ARL3: variants seen among roughly 807,000 people sequenced by gnomAD.
ARL3 encodes the protein ADP-ribosylation factor-like protein 3.
ARL3 carries 9 observed loss-of-function variants against 26.0 expected under a neutral mutation model. The observed-to-expected ratio is 0.35, with a 90% CI of 0.21 to 0.60. The LOEUF is 0.60. ARL3 is among the 20% of genes least tolerant of loss of function. The probability of loss-of-function intolerance (pLI) is 0.78; values close to 1 mark genes in which losing one functional copy is unlikely to be tolerated. For synonymous variants in ARL3, 71 were observed against 78.4 expected, an observed-to-expected ratio of 0.91 and a Z score of 0.50; for missense variants, 158 against 215.7, an observed-to-expected ratio of 0.73 and a Z score of 1.67.
chr10:102,706,265 C>T (rs1201761515), intron 1 of ARL3, among the ~76,000 whole-genome samples: 3 of 152,108 alleles, frequency 2.0e-5, no homozygotes, highest in Non-Finnish European at 4.4e-5. Flanking sequence ...TCCTGGCTAA[C>T]ACGGTGAAAC....
chr10:102,689,307 A>G lies in ARL3; in HGVS notation c.315+586T>C, dbSNP rs148119431. On this transcript the variant is annotated intron_variant, in intron 4 of 5. Transcript: ENST00000260746. ...GCCATTGCACTCCAGCCTGGGTGAC[A>G]AGAGTGAAACTCCGTTTTGGAGGGG... 2.6e-3 allele frequency among the ~76,000 whole-genome samples: 398 copies of G among 152,268 alleles called. 3 individuals carry two copies. The highest frequency in any genetic ancestry group is 9.2e-3 in the African/African-American group (381 of 41,550).
intron 3 of ARL3, among the ~76,000 whole-genome samples, chr10:102,696,289 G>A (rs914277428): frequency 1.6e-5 from 2 of 121,832 alleles, no homozygotes; most frequent in African/African-American, 3.1e-5. Flanking sequence ...TTTTTGAGAC[G>A]GAGTCTTGGT....
At chr10:102,677,012 G>A in intron 5 of ARL3, 71 bp from the exon 6 acceptor site, 4 of 1,548,152 alleles carry the variant, frequency 2.6e-6, no homozygotes, top group Non-Finnish European at 3.6e-6. Flanking sequence ...AGCCTGGAGG[G>A]GCGGGCAGTG....
rs35266514 is a variant in ARL3, at chr10:102,676,262, C to CT, written c.*631dup. 43,331 of 138,716 alleles carry CT rather than the reference C, an allele frequency of 0.31. 7,122 individuals are homozygous for CT. The highest frequency in any genetic ancestry group is 0.37 in the African/African-American group (13,725 of 36,742). 8.6% of individuals were successfully genotyped at this position (138,716 alleles called of 1,614,324 possible). On this transcript the variant is annotated 3_prime_UTR_variant, in exon 6 of 6. Transcript: ENST00000260746. ...TGTAGTGACTTGTCTGCAAGAAAGA[C>CT]TTTTTTTTTTTTTTCTGTCCAAAGA...
intron 3 of ARL3, among the ~76,000 whole-genome samples, chr10:102,690,257 C>A (rs542657113): frequency 6.6e-6 from 1 of 151,836 alleles, no homozygotes; most frequent in Non-Finnish European, 1.5e-5. Flanking sequence ...CTCTATTAAC[C>A]CTCATTACAA....
intron 3 of ARL3, among the ~76,000 whole-genome samples, chr10:102,690,275 A>G (rs1290849002): frequency 2.6e-5 from 4 of 151,256 alleles, no homozygotes; most frequent in Non-Finnish European, 4.4e-5. Context: ...CAACTCTACA[A>G]TATAGATTTC....
intron 4 of ARL3, among the ~76,000 whole-genome samples, chr10:102,688,043 C>A (rs767818294): frequency 1.8e-4 from 27 of 152,174 alleles, no homozygotes; most frequent in Non-Finnish European, 3.2e-4. Flanking sequence ...ACATGCTTCA[C>A]ATTTCATCAA....
chr10:102,677,798 C>T (rs553450967), intron 5 of ARL3, among the ~76,000 whole-genome samples: 2 of 152,238 alleles, frequency 1.3e-5, no homozygotes, highest in Admixed American at 6.5e-5. Flanking sequence ...TGAACAAAAT[C>T]CAAGGCAGCT....
Position 102,694,740 on chromosome 10 carries a change from C to T in ARL3, c.264+4633G>A, listed in dbSNP as rs187675038. ...ATGCTGTCTTCTTTTTTTTTTGAGACGGAGTTTCACACTTGTTGCCCAGGC... is the reference window on the plus strand; with the variant it reads ...ATGCTGTCTTCTTTTTTTTTTGAGATGGAGTTTCACACTTGTTGCCCAGGC... On this transcript the variant is annotated intron_variant, in intron 3 of 5. Transcript: ENST00000260746. Among the ~76,000 whole-genome samples, 108 of 151,468 alleles carry T rather than the reference C, an allele frequency of 7.1e-4. 1 individual carries two copies. Among genetic ancestry groups the T allele is most frequent in the Admixed American group, 6.8e-3 (103 of 15,226 alleles).
intron 3 of ARL3, among the ~76,000 whole-genome samples, chr10:102,695,156 A>T (rs1028819539): frequency 6.6e-6 from 1 of 152,240 alleles, no homozygotes; most frequent in African/African-American, 2.4e-5. Flanking sequence ...CAGTTTGTCA[A>T]TATCCCCAAA....
intron 3 of ARL3, among the ~76,000 whole-genome samples, chr10:102,694,380 G>C (rs1439861544): frequency 6.6e-6 from 1 of 152,168 alleles, no homozygotes; most frequent in Non-Finnish European, 1.5e-5. Flanking sequence ...CCAAACTCAA[G>C]GTCACCTAGA....
At chr10:102,680,565 C>T (rs921594968) in intron 5 of ARL3, among the ~76,000 whole-genome samples, 1 of 152,312 alleles carries the variant, frequency 6.6e-6, no homozygotes, top group East Asian at 1.9e-4. Flanking sequence ...GAAACTCACT[C>T]CTCCCAAATC....
At chr10:102,685,390 G>A (rs1432027552) in intron 5 of ARL3, among the ~76,000 whole-genome samples, 2 of 152,144 alleles carry the variant, frequency 1.3e-5, no homozygotes, top group Non-Finnish European at 2.9e-5. Flanking sequence ...ACCAACCCTA[G>A]GGGTAGGGAA....
chr10:102,710,177 T>C (rs2064330576), intron 1 of ARL3, among the ~76,000 whole-genome samples: 1 of 152,206 alleles, frequency 6.6e-6, no homozygotes, highest in Non-Finnish European at 1.5e-5. Context: ...TACAGAGAAA[T>C]GCAAAGTTCA....
intron 1 of ARL3, among the ~76,000 whole-genome samples, chr10:102,708,558 T>A (rs561849857): frequency 6.0e-4 from 91 of 152,156 alleles, no homozygotes; most frequent in African/African-American, 1.2e-3. Flanking sequence ...TTTCCTATTT[T>A]AAAAAAAATT....
intron 1 of ARL3, among the ~76,000 whole-genome samples, chr10:102,708,800 G>A (rs1276436584): frequency 1.3e-5 from 2 of 150,896 alleles, no homozygotes; most frequent in East Asian, 3.9e-4. Context: ...AGGTTGCAGT[G>A]AGCCAAGATC....
intron 3 of ARL3, among the ~76,000 whole-genome samples, chr10:102,693,447 T>C (rs2064230519): frequency 6.6e-6 from 1 of 152,188 alleles, no homozygotes; most frequent in African/African-American, 2.4e-5. Context: ...CATAATGACA[T>C]ATAATACTGA....
At chr10:102,697,473 G>A (rs1474892643) in intron 3 of ARL3, among the ~76,000 whole-genome samples, 2 of 152,146 alleles carry the variant, frequency 1.3e-5, no homozygotes, top group Admixed American at 1.3e-4. Context: ...CGCTGCGCCC[G>A]GCAGCTCTAT....
chr10:102,685,913 G>A lies in ARL3; in HGVS notation c.404C>T (p.Pro135Leu), dbSNP rs201771386. 1.1e-4 allele frequency: 184 copies of A among 1,614,190 alleles called. 1 individual carries two copies. The East Asian group carries it at 2.9e-3, about 25-fold the overall frequency. Reference sequence around the variant, plus strand: ...CAGTCCTTCTGCAATTTCAGAGGCAGGGGCTGCTGTGAGCAAATCCTGCTT... The same window carrying A: ...CAGTCCTTCTGCAATTTCAGAGGCAAGGGCTGCTGTGAGCAAATCCTGCTT... Reference protein sequence around the residue: ...ANKQDLLTAAPASEIAEGLNL... With the variant: ...ANKQDLLTAALASEIAEGLNL... Residue 135 changes from proline to leucine, a missense_variant, in exon 5 of 6, where the codon CCT becomes CTT. Physicochemically the swap from Pro to Leu is moderately conservative, Grantham distance 98. Coordinates refer to ENST00000260746, the MANE Select transcript of ARL3 (RefSeq NM_004311.4).
Sources: allele counts gnomAD v4.1 joint callset (sites outside exome capture counted in the v4.1 genomes callset), GRCh38; gene constraint gnomAD v4.1.1; transcripts MANE v1.5; gene names NCBI Gene and HGNC (gene_info 2026-07-23, HGNC 2026-07-21).